Variants in NAV3 observed in about 807,000 individuals in gnomAD.
NAV3 encodes pore membrane and/or filament interacting like protein 1.
NAV3 carries 87 observed loss-of-function variants against 244.7 expected under a neutral mutation model. The observed-to-expected ratio is 0.36, with a 90% CI of 0.30 to 0.42. The LOEUF (loss-of-function observed/expected upper bound fraction) is 0.42, where lower values mean the gene tolerates loss of function less well. Among genes scored for constraint, NAV3 ranks in the 20% least tolerant of loss-of-function variants. The pLI is 1.00. For missense variants in NAV3, 2,663 were observed against 2,893.3 expected (o/e 0.92, Z 1.83); for synonymous variants, 1,126 against 1,042.2 (o/e 1.08, Z -1.55).
chr12:77,938,369 A>G (rs948062651), intron 1 of NAV3, among the ~76,000 whole-genome samples: 1 of 152,188 alleles, frequency 6.6e-6, no homozygotes, highest in Admixed American at 6.6e-5. Flanking sequence ...AATTCAGGAG[A>G]CAGTTATGCA....
chr12:77,738,905 A>G (rs1250189065), intron 2 of NAV3, among the ~76,000 whole-genome samples: 1 of 148,564 alleles, frequency 6.7e-6, no homozygotes, highest in Non-Finnish European at 1.5e-5. Flanking sequence ...CCAGCTACTC[A>G]GGAGGCTCAG....
At chr12:77,847,031 A>G (rs1876750935) in intron 1 of NAV3, among the ~76,000 whole-genome samples, 1 of 152,004 alleles carries the variant, frequency 6.6e-6, no homozygotes, top group Non-Finnish European at 1.5e-5. Flanking sequence ...ATCTTGAGGT[A>G]CTGCAGTGAA....
intron 2 of NAV3, among the ~76,000 whole-genome samples, chr12:77,609,757 T>G (rs1870830915): frequency 6.6e-6 from 1 of 152,058 alleles, no homozygotes; most frequent in African/African-American, 2.4e-5. Flanking sequence ...TACCAACATG[T>G]GAACCATCAT....
chr12:77,966,181 T>A, intron 3 of NAV3, 48 bp from the exon 4 acceptor site: 1 of 1,507,736 alleles, frequency 6.6e-7, no homozygotes, highest in Non-Finnish European at 9.2e-7. Flanking sequence ...ATGTATTTGT[T>A]AAAATATAAT....
At chr12:77,906,946 T>A (rs929056912) in intron 1 of NAV3, among the ~76,000 whole-genome samples, 6 of 152,126 alleles carry the variant, frequency 3.9e-5, no homozygotes, top group Admixed American at 3.3e-4. Context: ...ACATCTTTTG[T>A]TTTTCACTTA....
At chr12:78,004,489 C>A (rs1873865712) in intron 7 of NAV3, among the ~76,000 whole-genome samples, 1 of 152,144 alleles carries the variant, frequency 6.6e-6, no homozygotes, top group South Asian at 2.1e-4. Context: ...CATTAGAAAT[C>A]TGTTATTTTC....
intron 15 of NAV3, among the ~76,000 whole-genome samples, chr12:78,120,484 G>C (rs1955623938): frequency 6.6e-6 from 1 of 152,130 alleles, no homozygotes; most frequent in Non-Finnish European, 1.5e-5. Flanking sequence ...ATCAAGATAT[G>C]ACATAATTTG....
At chr12:77,880,262 G>A (rs1458493112) in intron 1 of NAV3, among the ~76,000 whole-genome samples, 1 of 152,136 alleles carries the variant, frequency 6.6e-6, no homozygotes, top group African/African-American at 2.4e-5. Context: ...ATACCAGCAG[G>A]AAGCCTGAGG....
rs777035199 is a variant in NAV3, at chr12:78,198,590, T to G, written c.6447-15T>G. The G allele has an allele frequency of 4.6e-5, 69 of 1,501,176 alleles. No individual in the cohort carries two copies. Among genetic ancestry groups the G allele is most frequent in the Non-Finnish European group, 6.1e-5 (67 of 1,095,878 alleles). The allele number at this position is 1,501,176 out of a possible 1,614,324, so 93.0% of individuals were successfully genotyped here. ...ACCTCCAGTAAATTAAAATTTTCTA[T>G]TTATTTTTTTCTAGTCCATATATTA... On this transcript the variant is annotated splice_polypyrimidine_tract_variant and intron_variant, in intron 35 of 39. Transcript: ENST00000397909.
intron 12 of NAV3, among the ~76,000 whole-genome samples, chr12:78,065,475 A>C (rs1884904969): frequency 6.6e-6 from 1 of 152,192 alleles, no homozygotes; most frequent in Non-Finnish European, 1.5e-5. Context: ...TGAAAGAGTG[A>C]ATAAAGGAAG....
intron 5 of NAV3, among the ~76,000 whole-genome samples, chr12:77,994,511 G>A (rs1295988887): frequency 2.7e-5 from 2 of 74,486 alleles, no homozygotes; most frequent in African/African-American, 1.7e-4. Flanking sequence ...TTTATATGAT[G>A]AAATAATAGT....
chr12:77,752,237 G>T (rs1000071137), intron 2 of NAV3, among the ~76,000 whole-genome samples: 2 of 152,104 alleles, frequency 1.3e-5, no homozygotes, highest in African/African-American at 4.8e-5. Context: ...AACTTGGCAC[G>T]GATCCTGTCT....
chr12:78,149,819 CA>C (rs1957004710), intron 22 of NAV3, among the ~76,000 whole-genome samples: 2 of 151,996 alleles, frequency 1.3e-5, no homozygotes, highest in African/African-American at 4.8e-5. Context: ...TGCAGACCCA[CA>C]GTGTAAGACT....
At chr12:78,076,536 A>T (rs1360415564) in intron 12 of NAV3, among the ~76,000 whole-genome samples, 1 of 152,108 alleles carries the variant, frequency 6.6e-6, no homozygotes, top group East Asian at 1.9e-4. Context: ...TATGCATCTT[A>T]ATGTTTCCCA....
intron 18 of NAV3, 128 bp downstream of exon 18, chr12:78,128,994 C>A: frequency 1.2e-6 from 1 of 801,042 alleles, no homozygotes; most frequent in East Asian, 2.7e-5. Flanking sequence ...TTTAACAGTA[C>A]CTTTCATTTG....
Position 77,824,219 on chromosome 12 carries a change from G to A in NAV3, c.73-116100G>A, listed in dbSNP as rs79050669. Among the ~76,000 whole-genome samples, 13 of 149,566 alleles carry A rather than the reference G, an allele frequency of 8.7e-5. 1 individual carries two copies. The highest frequency in any genetic ancestry group is 3.5e-3 in the Middle Eastern group (1 of 284). ...CTCCCGAGTAGCTGGGACTGCAGGC[G>A]CATGCCACCACGCCCAACTAAATTT... On this transcript the variant is annotated intron_variant, in intron 2 of 8. Coordinates refer to the NAV3 transcript ENST00000550042.
In NAV3 at chr12:77,701,668, A is replaced by G. The variant is rs538189475; in HGVS notation, c.72+129402A>G. The stretch of plus-strand genomic sequence containing the variant: ...TTTGAACTGCACCTCACTAATTTTG[A>G]TATGTTGTGTTTTCATTATCCTTGA... On this transcript the variant is annotated intron_variant, in intron 2 of 8. Coordinates refer to the NAV3 transcript ENST00000550042. 3.9e-5 allele frequency among the ~76,000 whole-genome samples: 6 copies of G among 151,972 alleles called. No individual in the cohort carries two copies. The South Asian group carries it at 1.2e-3, about 32-fold the overall frequency.
At chr12:77,877,467 C>T (rs1882000002) in intron 1 of NAV3, among the ~76,000 whole-genome samples, 1 of 151,938 alleles carries the variant, frequency 6.6e-6, no homozygotes, top group Non-Finnish European at 1.5e-5. Flanking sequence ...TTTTATATTG[C>T]ATTTATAGGT....
At chr12:77,716,143 T>A (rs1876350880) in intron 2 of NAV3, among the ~76,000 whole-genome samples, 1 of 151,976 alleles carries the variant, frequency 6.6e-6, no homozygotes, top group Non-Finnish European at 1.5e-5. Flanking sequence ...CTTTCCTATC[T>A]ATGTAAATCT....
Sources: allele counts gnomAD v4.1 joint callset (sites outside exome capture counted in the v4.1 genomes callset), GRCh38; gene constraint gnomAD v4.1.1; transcripts MANE v1.5; gene names NCBI Gene and HGNC (gene_info 2026-07-23, HGNC 2026-07-21).